Variants in ARHGAP33 observed in about 807,000 individuals in gnomAD.
ARHGAP33 encodes rho GTPase-activating protein 33.
Under a neutral mutation model 126.2 loss-of-function variants are expected in ARHGAP33, and 57 were observed. The observed-to-expected ratio is 0.45, with a 90% CI of 0.36 to 0.56. ARHGAP33 has a LOEUF of 0.56. Ranked by LOEUF, ARHGAP33 falls within the 20% of genes least tolerant of loss-of-function variation. The pLI is 0.00. For missense variants in ARHGAP33, 1,500 were observed against 1,748.3 expected (o/e 0.86, Z 2.53); for synonymous variants, 711 against 755.0 (o/e 0.94, Z 0.95).
In ARHGAP33 at chr19:35,787,071, C is replaced by T. The variant is rs370630809; in HGVS notation, c.2601C>T (p.Leu867=). ...AGCTCCGGGGAGCCCAGGGCCCACT[C>T]GGTGAGTCCTCAGCCTACCCCACCC... ...CSKLRGAQGP[L]GPDMESPLPP... The change falls in exon 20 of 21, where the codon CTC becomes CTT. Residue 867 remains leucine (L), a splice_region_variant and synonymous_variant. Coordinates refer to ENST00000007510, the MANE Select transcript of ARHGAP33 (RefSeq NM_001366178.1). 1.6e-5 allele frequency: 26 copies of T among 1,601,800 alleles called. No individual in the cohort carries two copies. The highest frequency in any genetic ancestry group is 2.2e-5 in the East Asian group (1 of 44,740).
Position 35,787,232 on chromosome 19 carries a change from AC to A in ARHGAP33, c.2672del (p.Pro891ArgfsTer66). On this transcript the variant is annotated frameshift_variant, in exon 21 of 21. Coordinates refer to ENST00000007510, the MANE Select transcript of ARHGAP33 (RefSeq NM_001366178.1). LOFTEE classifies it high-confidence loss of function. ...LSLLRPGGAP[P>X]PPPKNPARLM... ...CTCTCCTGCGCCCTGGGGGTGCCCC[AC>A]CCCCGCCCCCTAAGAACCCAGCACG... is the stretch of plus-strand genomic sequence containing the variant. 7.1e-7 allele frequency: 1 copy of A among 1,416,216 alleles called. No homozygotes were observed. Among genetic ancestry groups the A allele is most frequent in the Non-Finnish European group, 9.9e-7 (1 of 1,013,350 alleles). The allele number at this position is 1,416,216 out of a possible 1,614,324, so 87.7% of individuals were successfully genotyped here.
intron 12 of ARHGAP33, 42 bp downstream of exon 12, chr19:35,781,294 C>T (rs981636823): frequency 1.3e-6 from 2 of 1,581,330 alleles, no homozygotes; most frequent in African/African-American, 1.3e-5. Flanking sequence ...CAGGCACTCA[C>T]CCAGCACCTC....
At chr19:35,775,759 A>C (rs1971420400) in intron 1 of ARHGAP33, 95 bp downstream of exon 1, 1 of 1,269,848 alleles carries the variant, frequency 7.9e-7, no homozygotes, top group African/African-American at 1.6e-5. Context: ...GCCCCGCCCG[A>C]TCCCGCGGCC....
rs1050658585 is a variant in ARHGAP33 at position 35,786,733 on chromosome 19, C to A, written c.2263C>A (p.Pro755Thr). ...FRCSSPTPGD[P>T]APPASPAPPA... ...CTGCAGCAGCCCCACCCCAGGGGAT[C>A]CCGCACCTCCCGCCAGCCCAGCACC... is the stretch of plus-strand genomic sequence containing the variant. Residue 755 changes from proline (P) to threonine (T), a missense_variant, in exon 20 of 21, where the codon CCC becomes ACC. Around this residue, in one of 6 missense-constraint regions of ARHGAP33, gnomAD observed 73 missense variants for 110.8 expected, o/e 0.66. Transcript: ENST00000007510. The surrounding 1 kb of genome is among the most constrained non-coding windows in gnomAD (Gnocchi z 7.0). The A allele has an allele frequency of 1.2e-5, 18 of 1,527,464 alleles. No homozygotes were observed. The highest frequency in any genetic ancestry group is 1.6e-5 in the Non-Finnish European group (18 of 1,142,322). The allele number at this position is 1,527,464 out of a possible 1,614,324, so 94.6% of individuals were successfully genotyped here. A position where few individuals can be genotyped will look rare whatever the true frequency, so the allele number is the denominator to read the frequency against.
rs764218851 is a variant in ARHGAP33 at position 35,788,394 on chromosome 19, C to T, written c.3829C>T (p.Leu1277Phe). 1.3e-6 allele frequency: 2 copies of T among 1,583,046 alleles called. No homozygotes were observed. Among genetic ancestry groups the T allele is most frequent in the Non-Finnish European group, 1.7e-6 (2 of 1,165,090 alleles). The change falls in exon 21 of 21, where the codon CTC becomes TTC. Residue 1277 changes from leucine (L) to phenylalanine (F), a missense_variant. Leu to Phe is a conservative substitution (Grantham distance 22). This residue lies in a region of ARHGAP33 where 642 missense variants were observed against 634.0 expected (regional missense o/e 1.01). Coordinates refer to ENST00000007510, the MANE Select transcript of ARHGAP33 (RefSeq NM_001366178.1). The stretch of plus-strand genomic sequence containing the variant: ...CCCTTACCCCACTCCCAGCTGGTCC[C>T]TCCACTCTGAGGGCCAGACCCGAAG... ...PPPYPTPSWS[L>F]HSEGQTRSYC
rs916443388 is a variant in ARHGAP33, at chr19:35,782,204, C to G, written c.1086-169C>G. ...GGCACCCTTCTCTTTGCCACACAGGCTTGCTGGGGAGTTCAGTAAGGTTCT... is the reference window on the plus strand; with the variant it reads ...GGCACCCTTCTCTTTGCCACACAGGGTTGCTGGGGAGTTCAGTAAGGTTCT... On this transcript the variant is annotated intron_variant, in intron 12 of 20. Transcript: ENST00000007510. This position sits in a 1 kb window ranked among gnomAD's most constrained non-coding sequence, Gnocchi z 4.1. 2.6e-5 allele frequency among the ~76,000 whole-genome samples: 4 copies of G among 152,144 alleles called. No homozygotes were observed. Among genetic ancestry groups the G allele is most frequent in the African/African-American group, 9.7e-5 (4 of 41,408 alleles).
rs1971819409 is a variant in ARHGAP33 at position 35,782,040 on chromosome 19, C to T, written c.1086-333C>T. ...TAGCAGGGTGCTGGGATTTTGTCCA[C>T]ATTTTCCAGTGCCCTCTTACAGCCA... On this transcript the variant is annotated intron_variant, in intron 12 of 20. Transcript: ENST00000007510. The surrounding 1 kb of genome is among the most constrained non-coding windows in gnomAD (Gnocchi z 4.1). Among the ~76,000 whole-genome samples, 1 of 152,166 alleles carries T rather than the reference C, an allele frequency of 6.6e-6. No homozygotes were observed. The highest frequency in any genetic ancestry group is 2.1e-4 in the South Asian group (1 of 4,834).
At chr19:35,784,075 A>G (rs1971955523) in intron 15 of ARHGAP33, 97 bp from the exon 16 acceptor site, 1 of 1,056,572 alleles carries the variant, frequency 9.5e-7, no homozygotes, top group Non-Finnish European at 1.4e-6. Context: ...GGTGTTGAAT[A>G]GACAGTCACT....
At chr19:35,783,869 G>A (rs1971939306) in intron 15 of ARHGAP33, among the ~76,000 whole-genome samples, 1 of 150,186 alleles carries the variant, frequency 6.7e-6, no homozygotes, top group South Asian at 2.1e-4. Context: ...GGCTGGGGGA[G>A]ATGGAGGCTG....
chr19:35,780,504 T>G lies in ARHGAP33; in HGVS notation c.702+6T>G. 6.2e-7 allele frequency: 1 copy of G among 1,608,016 alleles called. No homozygotes were observed. The highest frequency in any genetic ancestry group is 8.5e-7 in the Non-Finnish European group (1 of 1,176,288). On this transcript the variant is annotated splice_donor_region_variant and intron_variant, in intron 8 of 20. Transcript: ENST00000007510. ...GGGGCAAGCGAGGCTTCCAGGTGAG[T>G]CCAGCTGGGCGCGGACAGGTGGGGC...
At position 35,787,621 on chromosome 19, in the gene ARHGAP33, C is replaced by T. The variant is rs776054549; in HGVS notation, c.3056C>T (p.Ser1019Phe). 14 of 1,600,920 alleles carry T rather than the reference C, an allele frequency of 8.7e-6. No individual in the cohort carries two copies. The highest frequency in any genetic ancestry group is 1.2e-5 in the Non-Finnish European group (14 of 1,176,212). ...GATGCGCCAGAGGCAGCAGCCCAGT[C>T]CCCATGTTCTGTCCCCTCACAGGTT... ...GRDAPEAAAQSPCSVPSQVPT... is the reference protein window; with the variant it reads ...GRDAPEAAAQFPCSVPSQVPT... The change falls in exon 21 of 21, where the codon TCC (serine) becomes TTC (phenylalanine). Residue 1019 changes from serine to phenylalanine, a missense_variant. Around this residue, in one of 6 missense-constraint regions of ARHGAP33, gnomAD observed 642 missense variants for 634.0 expected, o/e 1.01. Transcript: ENST00000007510.
chr19:35,778,496 T>C lies in ARHGAP33; in HGVS notation c.303T>C (p.Asp101=). The C allele has an allele frequency of 6.2e-7, 1 of 1,614,198 alleles. No homozygotes were observed. Among genetic ancestry groups the C allele is most frequent in the Non-Finnish European group, 8.5e-7 (1 of 1,180,040 alleles). Residue 101 remains aspartate, a synonymous_variant, in exon 5 of 21, where the codon GAT becomes GAC. Coordinates refer to ENST00000007510, the MANE Select transcript of ARHGAP33 (RefSeq NM_001366178.1). ...CCTGGCCGGTTCTCCGGAGTTACGA[T>C]GACTTTCGTTCCCTGGATGCCCACC... ...GRSWPVLRSY[D]DFRSLDAHLH...
chr19:35,778,557 C>T lies in ARHGAP33; in HGVS notation c.364C>T (p.Leu122Phe). The T allele has an allele frequency of 6.2e-7, 1 of 1,614,172 alleles. No homozygotes were observed. The highest frequency in any genetic ancestry group is 8.5e-7 in the Non-Finnish European group (1 of 1,180,028). ...RCIFDRRFSCLPELPPPPEGA... is the reference protein window; with the variant it reads ...RCIFDRRFSCFPELPPPPEGA... ...CATATTTGACCGGAGGTTCTCCTGC[C>T]TTCCGGAGCTTCCCCCGCCCCCCGA... The change falls in exon 5 of 21, where the codon CTT (leucine) becomes TTT (phenylalanine). Residue 122 changes from leucine to phenylalanine, a missense_variant. By Grantham distance (22) the Leu-to-Phe change is conservative. Transcript: ENST00000007510.
At position 35,780,252 on chromosome 19, in the gene ARHGAP33, G is replaced by A. The variant is rs374409349; in HGVS notation, c.543G>A (p.Ala181=). 5.6e-6 allele frequency: 9 copies of A among 1,613,844 alleles called. No homozygotes were observed. Among genetic ancestry groups the A allele is most frequent in the African/African-American group, 2.7e-5 (2 of 74,898 alleles). ...GGCGACTGCTCCTCAGTGAGGAGGC[G>A]TCACTCAATATCCCTGCAGTGGCGG... The part of the protein sequence containing the change: ...HGRRLLLSEE[A]SLNIPAVAAA... Residue 181 remains alanine, a synonymous_variant, in exon 7 of 21, where the codon GCG becomes GCA. Transcript: ENST00000007510.
chr19:35,786,637 G>A lies in ARHGAP33; in HGVS notation c.2167G>A (p.Glu723Lys). The change falls in exon 20 of 21, where the codon GAG (glutamate) becomes AAG (lysine). Residue 723 changes from glutamate (E) to lysine (K), a missense_variant. Glu to Lys is a moderately conservative substitution (Grantham distance 56). Coordinates refer to ENST00000007510, the MANE Select transcript of ARHGAP33 (RefSeq NM_001366178.1). The surrounding 1 kb of genome is among the most constrained non-coding windows in gnomAD (Gnocchi z 7.0). ...CTCAGCCTGGCTAGATGATGGTGATGAGCTGGACTTCAGCCCACCCCGCTG... is the reference window on the plus strand; with the variant it reads ...CTCAGCCTGGCTAGATGATGGTGATAAGCTGGACTTCAGCCCACCCCGCTG... Reference protein sequence around the residue: ...RTSAWLDDGDELDFSPPRCLE... With the variant: ...RTSAWLDDGDKLDFSPPRCLE... 6.5e-7 allele frequency: 1 copy of A among 1,535,886 alleles called. No homozygotes were observed. Among genetic ancestry groups the A allele is most frequent in the Non-Finnish European group, 8.7e-7 (1 of 1,146,810 alleles).
rs1971694608 is a variant in ARHGAP33 at position 35,780,415 on chromosome 19, T to C, written c.625-6T>C. 2 of 1,594,334 alleles carry C rather than the reference T, an allele frequency of 1.3e-6. No individual in the cohort carries two copies. The highest frequency in any genetic ancestry group is 1.7e-6 in the Non-Finnish European group (2 of 1,167,424). ...GACCCTTCTCTTCCCACCCGCCCTC[T>C]CCCAGGTGGGAGACATTGTCTCGGT... On this transcript the variant is annotated splice_polypyrimidine_tract_variant and splice_region_variant and intron_variant, in intron 7 of 20. Transcript: ENST00000007510.
rs769272533 is a variant in ARHGAP33 at position 35,784,310 on chromosome 19, C to T, written c.1560C>T (p.Asp520=). ...ACACCTTCACCTCCGCCGGCCTCGA[C>T]CCTGCAGGTATGCCCTCCCACCCCC... is the stretch of plus-strand genomic sequence containing the variant. ...FSDTFTSAGL[D]PAGRCLLPRP... is the part of the protein sequence containing the mutation. The change falls in exon 16 of 21, where the codon GAC becomes GAT. Residue 520 remains aspartate, a synonymous_variant. Transcript: ENST00000007510. The T allele has an allele frequency of 3.2e-6, 5 of 1,577,682 alleles. No individual in the cohort carries two copies. In the African/African-American group the frequency reaches 5.4e-5, roughly 17 times the overall value.
rs965647584 is a variant in ARHGAP33 at position 35,788,488 on chromosome 19, C to G, written c.*59C>G. 21 of 1,396,986 alleles carry G rather than the reference C, an allele frequency of 1.5e-5. No individual in the cohort carries two copies. In the African/African-American group the frequency reaches 3.1e-4, roughly 21 times the overall value. 86.5% of individuals were successfully genotyped at this position (1,396,986 alleles called of 1,614,324 possible). On this transcript the variant is annotated 3_prime_UTR_variant, in exon 21 of 21. Transcript: ENST00000007510. ...TCACCCTCACTGGATCTTGGCCCAA[C>G]CAAATCCCTTGTTTTGTATTTTCTT...
intron 1 of ARHGAP33, among the ~76,000 whole-genome samples, chr19:35,777,058 G>A (rs1260518243): frequency 6.6e-6 from 1 of 152,168 alleles, no homozygotes; most frequent in Non-Finnish European, 1.5e-5. Flanking sequence ...ACTCTTAGAA[G>A]TTCAAGAGCT....
Sources: allele counts gnomAD v4.1 joint callset (sites outside exome capture counted in the v4.1 genomes callset), GRCh38; gene constraint gnomAD v4.1.1; regional missense constraint gnomAD v4.1.1; non-coding constraint Gnocchi (gnomAD v3.1); transcripts MANE v1.5; gene names NCBI Gene and HGNC (gene_info 2026-07-23, HGNC 2026-07-21).